Variants in AGMO observed in about 807,000 individuals in gnomAD.
The protein encoded by AGMO is glyceryl-ether monooxygenase.
AGMO carries 75 observed loss-of-function variants against 60.2 expected under a neutral mutation model. That is an observed-to-expected ratio of 1.25 (90% CI 1.03 to 1.51). AGMO has a LOEUF of 1.51. Ranked by LOEUF, AGMO falls within the 40% of genes most tolerant of loss-of-function variation. AGMO has a pLI of 0.00. For missense variants in AGMO, 763 were observed against 525.5 expected, an observed-to-expected ratio of 1.45 and a Z score of -4.42; for synonymous variants, 261 against 177.1, an observed-to-expected ratio of 1.47 and a Z score of -3.76.
At chr7:15,173,248 C>T in the AGMO span, among the ~76,000 whole-genome samples, 3 of 152,056 alleles carry the variant, frequency 2.0e-5, no homozygotes, top group Admixed American at 2.0e-4. Flanking sequence ...ACTTGTATCA[C>T]TGCAGAAGGC....
intron 3 of AGMO, among the ~76,000 whole-genome samples, chr7:15,459,845 G>C (rs890980459): frequency 4.8e-4 from 73 of 151,924 alleles, no homozygotes; most frequent in Non-Finnish European, 1.0e-4. Flanking sequence ...TAAGATAGAG[G>C]TCGCCTCATT....
chr7:15,234,623 G>C (rs1344859292), intron 12 of AGMO, among the ~76,000 whole-genome samples: 2 of 152,144 alleles, frequency 1.3e-5, no homozygotes, highest in Non-Finnish European at 2.9e-5. Context: ...TTTCTGAAAA[G>C]GAACAGCTAG....
the AGMO span, among the ~76,000 whole-genome samples, chr7:15,124,790 G>A: frequency 6.6e-6 from 1 of 152,002 alleles, no homozygotes; most frequent in African/African-American, 2.4e-5. Context: ...TAGGATTCTT[G>A]TAACTGGATT....
chr7:15,528,981 G>C (rs1475122616), intron 3 of AGMO, among the ~76,000 whole-genome samples: 2 of 152,010 alleles, frequency 1.3e-5, no homozygotes, highest in African/African-American at 4.8e-5. Context: ...CCTGGACTCA[G>C]ATGTAAATTG....
intron 12 of AGMO, among the ~76,000 whole-genome samples, chr7:15,210,815 T>C (rs1781568227): frequency 6.6e-6 from 1 of 152,096 alleles, no homozygotes. Context: ...TATTATTTGA[T>C]CTGGGTTTTA....
intron 3 of AGMO, among the ~76,000 whole-genome samples, chr7:15,472,562 T>C (rs1288591701): frequency 6.6e-6 from 1 of 151,944 alleles, no homozygotes; most frequent in Non-Finnish European, 1.5e-5. Context: ...AAATGCAGTG[T>C]TGCTTTGAGA....
chr7:15,518,253 C>A (rs1269183142), intron 3 of AGMO, among the ~76,000 whole-genome samples: 1 of 152,154 alleles, frequency 6.6e-6, no homozygotes, highest in Non-Finnish European at 1.5e-5. Context: ...CTTCAACAGA[C>A]TTAAACATTC....
At chr7:15,168,279 C>G in the AGMO span, among the ~76,000 whole-genome samples, 3 of 151,994 alleles carry the variant, frequency 2.0e-5, no homozygotes, top group African/African-American at 7.3e-5. Flanking sequence ...AGGTCTCAGG[C>G]CCTAATAAGC....
At position 15,492,176 on chromosome 7, in the gene AGMO, T is replaced by C. The variant is rs149625253; in HGVS notation, c.409+52596A>G. 6.2e-3 allele frequency among the ~76,000 whole-genome samples: 938 copies of C among 152,170 alleles called. 8 individuals are homozygous for C. Among genetic ancestry groups the C allele is most frequent in the South Asian group, 0.014 (69 of 4,814 alleles). On this transcript the variant is annotated intron_variant, in intron 3 of 12. Transcript: ENST00000342526. ...TTTTTTAATTGTGAAGTGAAATGACTGGTTTGGCATAACACAGCTAGAATC... is the reference window on the plus strand; with the variant it reads ...TTTTTTAATTGTGAAGTGAAATGACCGGTTTGGCATAACACAGCTAGAATC...
chr7:15,366,273 G>A (rs748003330), intron 10 of AGMO, 51 bp from the exon 11 acceptor site: 2 of 1,418,166 alleles, frequency 1.4e-6, no homozygotes, highest in African/African-American at 1.4e-5. Flanking sequence ...ATTGTTAAAA[G>A]GTACACGAAC....
the AGMO span, among the ~76,000 whole-genome samples, chr7:15,163,279 T>C: frequency 2.0e-5 from 3 of 152,184 alleles, no homozygotes; most frequent in Admixed American, 6.6e-5. Flanking sequence ...CAGAGATAAT[T>C]TGACTTCCAC....
chr7:15,297,765 A>T (rs541903761), intron 12 of AGMO, among the ~76,000 whole-genome samples: 1 of 152,272 alleles, frequency 6.6e-6, no homozygotes, highest in South Asian at 2.1e-4. Context: ...AATTATTGTC[A>T]TATATGGAAA....
intron 5 of AGMO, among the ~76,000 whole-genome samples, chr7:15,411,777 A>C (rs1345696538): frequency 4.5e-4 from 69 of 152,208 alleles, no homozygotes; most frequent in Non-Finnish European, 8.8e-5. Flanking sequence ...CATTACTTAA[A>C]ATACATATCA....
At chr7:15,253,394 T>C (rs1354350666) in intron 12 of AGMO, among the ~76,000 whole-genome samples, 1 of 152,036 alleles carries the variant, frequency 6.6e-6, no homozygotes, top group Non-Finnish European at 1.5e-5. Flanking sequence ...AAAATGAAGA[T>C]GAAGGGAGGC....
At chr7:15,465,052 T>C (rs925369859) in intron 3 of AGMO, among the ~76,000 whole-genome samples, 1 of 152,150 alleles carries the variant, frequency 6.6e-6, no homozygotes, top group Non-Finnish European at 1.5e-5. Context: ...TAGGAAGCAC[T>C]ATCTTTTACT....
chr7:15,372,990 G>T (rs1459990190), intron 10 of AGMO, among the ~76,000 whole-genome samples: 1 of 152,020 alleles, frequency 6.6e-6, no homozygotes, highest in Non-Finnish European at 1.5e-5. Flanking sequence ...TCACTACTGT[G>T]TGGTGGCTCA....
chr7:15,281,952 A>G (rs1783978685), intron 12 of AGMO, among the ~76,000 whole-genome samples: 1 of 152,186 alleles, frequency 6.6e-6, no homozygotes, highest in Non-Finnish European at 1.5e-5. Context: ...AAGGCCCTCT[A>G]TAGCCTAGGA....
At chr7:15,262,988 A>G (rs1404678941) in intron 12 of AGMO, among the ~76,000 whole-genome samples, 4 of 152,106 alleles carry the variant, frequency 2.6e-5, no homozygotes, top group African/African-American at 9.7e-5. Flanking sequence ...AGAAGATAAC[A>G]TTGTAAAAAC....
chr7:15,270,425 T>C (rs1324437055), intron 12 of AGMO, among the ~76,000 whole-genome samples: 2 of 151,982 alleles, frequency 1.3e-5, no homozygotes, highest in Non-Finnish European at 1.5e-5. Context: ...TGTCTTCCTT[T>C]GAGAAATGTC....
Sources: allele counts gnomAD v4.1 joint callset (sites outside exome capture counted in the v4.1 genomes callset), GRCh38; gene constraint gnomAD v4.1.1; transcripts MANE v1.5; gene names NCBI Gene and HGNC (gene_info 2026-07-23, HGNC 2026-07-21).